ERBIN: variants seen among roughly 807,000 people sequenced by gnomAD.
ERBIN encodes densin-180-like protein.
ERBIN carries 60 observed loss-of-function variants against 158.4 expected under a neutral mutation model. The ratio of observed to expected loss-of-function variants is 0.38; its 90% CI spans 0.31 to 0.47. The LOEUF is 0.47. ERBIN is among the 20% of genes least tolerant of loss of function. The pLI, the probability that ERBIN is intolerant of heterozygous loss-of-function variation, is 0.99. For synonymous variants in ERBIN, 594 were observed against 557.2 expected (o/e 1.07, Z -0.93); for missense variants, 1,610 against 1,648.0 (o/e 0.98, Z 0.40).
intron 1 of ERBIN, among the ~76,000 whole-genome samples, chr5:65,988,187 A>G (rs1751471509): frequency 6.6e-6 from 1 of 152,022 alleles, no homozygotes; most frequent in Admixed American, 6.5e-5. Context: ...CATGGCCAAC[A>G]TAGTGAGACC....
intron 1 of ERBIN, among the ~76,000 whole-genome samples, chr5:65,933,977 G>A (rs1233087819): frequency 6.6e-6 from 1 of 152,006 alleles, no homozygotes; most frequent in Non-Finnish European, 1.5e-5. Flanking sequence ...CTCACTGCAA[G>A]CTCCACCTCC....
At chr5:65,997,151 A>G (rs1320682392) in intron 4 of ERBIN, among the ~76,000 whole-genome samples, 2 of 152,158 alleles carry the variant, frequency 1.3e-5, no homozygotes, top group Non-Finnish European at 2.9e-5. Flanking sequence ...CGTTGAAAAG[A>G]AGTGGCAGGA....
chr5:65,939,745 C>T (rs866015259), intron 1 of ERBIN, among the ~76,000 whole-genome samples: 22 of 152,276 alleles, frequency 1.4e-4, no homozygotes, highest in African/African-American at 4.8e-4. Flanking sequence ...GACGGGGTTT[C>T]GCTGTGTTGG....
intron 1 of ERBIN, among the ~76,000 whole-genome samples, chr5:65,960,256 T>C (rs1747761397): frequency 6.6e-6 from 1 of 152,198 alleles, no homozygotes; most frequent in Non-Finnish European, 1.5e-5. Context: ...GTACACACTA[T>C]ATGATGGATT....
chr5:65,991,033 G>A (rs896198031), intron 2 of ERBIN, among the ~76,000 whole-genome samples: 1 of 152,094 alleles, frequency 6.6e-6, no homozygotes, highest in Non-Finnish European at 1.5e-5. Context: ...TAGGATTACC[G>A]GTCTGAGCTA....
intron 1 of ERBIN, among the ~76,000 whole-genome samples, chr5:65,970,751 G>C (rs1749158515): frequency 1.3e-5 from 2 of 151,978 alleles, no homozygotes; most frequent in African/African-American, 4.8e-5. Flanking sequence ...AGCATGCCTG[G>C]CTAATTTTAT....
At chr5:65,966,358 C>G (rs1021491814) in intron 1 of ERBIN, among the ~76,000 whole-genome samples, 1 of 152,098 alleles carries the variant, frequency 6.6e-6, no homozygotes, top group Non-Finnish European at 1.5e-5. Flanking sequence ...TATATGATAA[C>G]TTTTATTATC....
At chr5:66,051,042 A>G in intron 20 of ERBIN, 76 bp downstream of exon 20, 1 of 903,984 alleles carries the variant, frequency 1.1e-6, no homozygotes, top group Non-Finnish European at 1.7e-6. Context: ...ATACATAAAT[A>G]TATAGGGTTT....
intron 10 of ERBIN, 79 bp downstream of exon 10, chr5:66,024,529 T>G: frequency 7.2e-7 from 1 of 1,383,988 alleles, no homozygotes. Flanking sequence ...TTTCACTTGT[T>G]ATGAGGTAGT....
intron 4 of ERBIN, among the ~76,000 whole-genome samples, chr5:65,995,872 A>T (rs1489177414): frequency 6.6e-6 from 1 of 152,198 alleles, no homozygotes; most frequent in African/African-American, 2.4e-5. Context: ...ATGATGTTGA[A>T]CATTTTTCAT....
intron 1 of ERBIN, among the ~76,000 whole-genome samples, chr5:65,973,160 A>G (rs1749452701): frequency 6.6e-6 from 1 of 151,014 alleles, no homozygotes; most frequent in African/African-American, 2.5e-5. Context: ...TACCCCAAGA[A>G]CAAAAAACCA....
intron 21 of ERBIN, 29 bp downstream of exon 21, chr5:66,054,980 T>C (rs1759448170): frequency 6.6e-7 from 1 of 1,518,144 alleles, no homozygotes; most frequent in Admixed American, 2.2e-5. Flanking sequence ...TTCATTATTT[T>C]CTTTATGAAC....
At chr5:66,060,976 A>G (rs1214395998) in intron 21 of ERBIN, among the ~76,000 whole-genome samples, 4 of 152,174 alleles carry the variant, frequency 2.6e-5, no homozygotes, top group Non-Finnish European at 4.4e-5. Context: ...TGTGTGGTCA[A>G]TTTTGGAATA....
chr5:65,983,815 A>G (rs1177209168), intron 1 of ERBIN, among the ~76,000 whole-genome samples: 2 of 152,100 alleles, frequency 1.3e-5, no homozygotes, highest in Admixed American at 1.3e-4. Context: ...GTGGATCTGG[A>G]GACCTGGCAT....
At chr5:66,074,829 C>T (rs1761841493) in intron 22 of ERBIN, among the ~76,000 whole-genome samples, 195 bp from the exon 23 acceptor site, 1 of 152,066 alleles carries the variant, frequency 6.6e-6, no homozygotes, top group African/African-American at 2.4e-5. Flanking sequence ...ACTCAGGAAA[C>T]TTTAGAATTA....
intron 1 of ERBIN, among the ~76,000 whole-genome samples, chr5:65,986,124 T>C (rs1392039562): frequency 3.3e-5 from 5 of 152,184 alleles, no homozygotes; most frequent in Non-Finnish European, 5.9e-5. Flanking sequence ...CTTATTTCAT[T>C]GCTTTAAATA....
intron 21 of ERBIN, among the ~76,000 whole-genome samples, chr5:66,055,618 C>A (rs530999917): frequency 6.6e-6 from 1 of 152,024 alleles, no homozygotes; most frequent in Non-Finnish European, 1.5e-5. Context: ...AGATATATAT[C>A]CTTGTAAAAC....
intron 19 of ERBIN, among the ~76,000 whole-genome samples, chr5:66,049,157 T>C (rs914888457): frequency 6.6e-6 from 1 of 152,110 alleles, no homozygotes; most frequent in Non-Finnish European, 1.5e-5. Flanking sequence ...AATGTATCTT[T>C]TAGCACAGTA....
chr5:65,962,332 C>A (rs867061034), intron 1 of ERBIN, among the ~76,000 whole-genome samples: 1 of 152,068 alleles, frequency 6.6e-6, no homozygotes, highest in African/African-American at 2.4e-5. Flanking sequence ...GGCTATTAAG[C>A]TACTAGAAAA....
Sources: gnomAD v4.1 joint callset for allele counts (sites outside exome capture counted in the v4.1 genomes callset) on GRCh38, gnomAD v4.1.1 for gene constraint, MANE v1.5 for transcripts, NCBI Gene and HGNC (gene_info 2026-07-23, HGNC 2026-07-21) for gene names.